Variants in NR3C2 observed in about 807,000 individuals in gnomAD.
NR3C2 encodes mineralocorticoid receptor.
A neutral mutation model predicts 86.4 loss-of-function variants in NR3C2; 15 were observed. That is an observed-to-expected ratio of 0.17 (90% CI 0.12 to 0.27). NR3C2 has a LOEUF of 0.27. Among genes scored for constraint, NR3C2 ranks in the 10% least tolerant of loss-of-function variants. The pLI is 1.00. For synonymous variants in NR3C2, 458 were observed against 450.5 expected (o/e 1.02, Z -0.21); for missense variants, 960 against 1,195.6 (o/e 0.80, Z 2.91).
At chr4:148,263,110 T>C (rs373924269) in intron 2 of NR3C2, among the ~76,000 whole-genome samples, 5 of 152,088 alleles carry the variant, frequency 3.3e-5, no homozygotes, top group African/African-American at 1.2e-4. Context: ...CTATACTCTA[T>C]CCCTTAATGA....
chr4:148,257,610 A>C (rs747089842), intron 3 of NR3C2, among the ~76,000 whole-genome samples: 8 of 152,178 alleles, frequency 5.3e-5, no homozygotes, highest in Non-Finnish European at 8.8e-5. Flanking sequence ...TGATTTTGTG[A>C]AATGAGTTTT....
chr4:148,427,291 A>T (rs1371155904), intron 2 of NR3C2, among the ~76,000 whole-genome samples: 1 of 152,078 alleles, frequency 6.6e-6, no homozygotes, highest in Non-Finnish European at 1.5e-5. Flanking sequence ...AGTTAAGCTC[A>T]TAACATGATG....
At chr4:148,391,381 G>A (rs1323315719) in intron 2 of NR3C2, among the ~76,000 whole-genome samples, 2 of 152,090 alleles carry the variant, frequency 1.3e-5, no homozygotes, top group Admixed American at 6.5e-5. Context: ...AATAGCATTT[G>A]TATAATTCTT....
chr4:148,118,257 A>G (rs1732359068), intron 7 of NR3C2, among the ~76,000 whole-genome samples: 1 of 152,002 alleles, frequency 6.6e-6, no homozygotes, highest in African/African-American at 2.4e-5. Flanking sequence ...CTTCTCATCA[A>G]TTTGCAAGTC....
chr4:148,150,003 G>A (rs2149762341), intron 6 of NR3C2, among the ~76,000 whole-genome samples: 1 of 152,036 alleles, frequency 6.6e-6, no homozygotes, highest in Non-Finnish European at 1.5e-5. Context: ...TCCTTAAAAA[G>A]TTAAACACAG....
At chr4:148,305,315 C>G (rs1410050188) in intron 2 of NR3C2, among the ~76,000 whole-genome samples, 1 of 152,078 alleles carries the variant, frequency 6.6e-6, no homozygotes, top group Non-Finnish European at 1.5e-5. Context: ...GAATAAAACA[C>G]AGTCTTCTTT....
intron 3 of NR3C2, among the ~76,000 whole-genome samples, chr4:148,248,595 T>C (rs1291028642): frequency 6.6e-6 from 1 of 152,232 alleles, no homozygotes; most frequent in Non-Finnish European, 1.5e-5. Flanking sequence ...AAACTAAATT[T>C]AAATCCTGGT....
chr4:148,443,620 C>T (rs1294245837), upstream of NR3C2, among the ~76,000 whole-genome samples: 1 of 151,540 alleles, frequency 6.6e-6, no homozygotes, highest in East Asian at 1.9e-4. Context: ...GACTTTTAGG[C>T]TTCTCATGTA....
At position 148,136,056 on chromosome 4, in the gene NR3C2, CAAAAA is replaced by C. The variant is rs199716496; in HGVS notation, c.2511-15773_2511-15769del. Among the ~76,000 whole-genome samples, 74 of 71,206 alleles carry C rather than the reference CAAAAA, an allele frequency of 1.0e-3. 2 individuals are homozygous for C. Among genetic ancestry groups the C allele is most frequent in the African/African-American group, 4.6e-3 (69 of 15,004 alleles). The allele number at this position is 71,206 out of a possible 152,430, so 46.7% of individuals were successfully genotyped here. On this transcript the variant is annotated intron_variant, in intron 6 of 8. Transcript: ENST00000358102. ...TGGGCGACAGAGCGAGACTCCGTCT[CAAAAA>C]AAAAAAAAAAAAAAACAAAAAAAAA...
intron 2 of NR3C2, among the ~76,000 whole-genome samples, chr4:148,327,154 T>A (rs919812955): frequency 9.9e-5 from 15 of 152,158 alleles, no homozygotes; most frequent in African/African-American, 3.6e-4. Flanking sequence ...TAATCTTCAA[T>A]AATTGGTATA....
At chr4:148,318,854 T>C (rs1198169258) in intron 2 of NR3C2, among the ~76,000 whole-genome samples, 1 of 152,026 alleles carries the variant, frequency 6.6e-6, no homozygotes, top group Non-Finnish European at 1.5e-5. Flanking sequence ...GTAGTTTCTT[T>C]TGCTGTGCAG....
At chr4:148,304,896 T>C (rs1305910238) in intron 2 of NR3C2, among the ~76,000 whole-genome samples, 1 of 129,092 alleles carries the variant, frequency 7.7e-6, no homozygotes, top group African/African-American at 3.8e-5. Flanking sequence ...GGCAGGACCC[T>C]TTTTTTTTTT....
At chr4:148,294,678 T>TA (rs35649035) in intron 2 of NR3C2, among the ~76,000 whole-genome samples, 13 of 149,920 alleles carry the variant, frequency 8.7e-5, no homozygotes, top group African/African-American at 9.8e-5. Flanking sequence ...CTCATTGATA[T>TA]AAAAAAAAAA....
chr4:148,386,460 T>G, intron 2 of NR3C2, among the ~76,000 whole-genome samples: 1 of 152,290 alleles, frequency 6.6e-6, no homozygotes, highest in East Asian at 1.9e-4. Flanking sequence ...ACTTCACGTG[T>G]GGGGATGTCT....
At chr4:148,442,981 T>C (rs1276684791), upstream of NR3C2, 2 of 985,132 alleles carry the variant, frequency 2.0e-6, no homozygotes, top group South Asian at 4.7e-5. Context: ...GCCCAGACCC[T>C]GGCGCCGCCC....
chr4:148,216,008 G>A (rs1221204873), intron 3 of NR3C2, among the ~76,000 whole-genome samples: 3 of 151,874 alleles, frequency 2.0e-5, no homozygotes, highest in Admixed American at 6.6e-5. Context: ...CAGGATGGTC[G>A]TGATCTCCTG....
At chr4:148,150,463 GA>G (rs1227159163) in intron 6 of NR3C2, among the ~76,000 whole-genome samples, 1 of 152,058 alleles carries the variant, frequency 6.6e-6, no homozygotes, top group African/African-American at 2.4e-5. Flanking sequence ...TAGCTTTCTT[GA>G]GCTAAAGAAC....
At position 148,079,663 on chromosome 4, in the gene NR3C2, T is replaced by C. The variant is rs574251220; in HGVS notation, c.*1681A>G. ...GGCAAGAGAAAAGCCATACATTGCA[T>C]CAGTGCCAAACAAACAGATTAATGA... On this transcript the variant is annotated 3_prime_UTR_variant, in exon 9 of 9. Transcript: ENST00000358102. 6 of 152,428 alleles carry C rather than the reference T, an allele frequency of 3.9e-5. No individual in the cohort carries two copies. The South Asian group carries it at 1.2e-3, about 32-fold the overall frequency. 9.4% of individuals were successfully genotyped at this position (152,428 alleles called of 1,614,324 possible).
At chr4:148,310,018 TA>T (rs540275364) in intron 2 of NR3C2, among the ~76,000 whole-genome samples, 8 of 152,034 alleles carry the variant, frequency 5.3e-5, no homozygotes, top group South Asian at 4.2e-4. Context: ...TCACAGGGCT[TA>T]AAAAAAACTA....
Sources: gnomAD v4.1 joint callset for allele counts (sites outside exome capture counted in the v4.1 genomes callset) on GRCh38, gnomAD v4.1.1 for gene constraint, MANE v1.5 for transcripts, NCBI Gene and HGNC (gene_info 2026-07-23, HGNC 2026-07-21) for gene names.